The following DLG5 variants were observed in gnomAD, a reference collection of about 807,000 sequenced individuals.
DLG5 encodes the protein disks large homolog 5.
A neutral mutation model predicts 189.8 loss-of-function variants in DLG5; 48 were observed. The observed-to-expected ratio is 0.25, with a 90% CI of 0.20 to 0.32. The LOEUF is 0.32. Ranked by LOEUF, DLG5 falls within the 10% of genes least tolerant of loss-of-function variation. DLG5 has a pLI of 1.00. For missense variants in DLG5, 2,160 were observed against 2,544.7 expected (o/e 0.85, Z 3.25); for synonymous variants, 1,016 against 1,054.1 (o/e 0.96, Z 0.70).
chr10:77,918,726 G>A (rs568047438), intron 1 of DLG5, among the ~76,000 whole-genome samples: 28 of 152,190 alleles, frequency 1.8e-4, no homozygotes, highest in Admixed American at 8.5e-4. Context: ...TCCCCCCAGC[G>A]CAATCCCATT....
the DLG5 span, among the ~76,000 whole-genome samples, chr10:77,933,739 G>A: frequency 1.7e-4 from 26 of 150,294 alleles, no homozygotes; most frequent in South Asian, 6.3e-4. Flanking sequence ...AAAAAATTGC[G>A]TTTCTTTTCT....
chr10:77,825,165 A>G (rs969416988), intron 13 of DLG5, among the ~76,000 whole-genome samples: 1 of 152,158 alleles, frequency 6.6e-6, no homozygotes, highest in Non-Finnish European at 1.5e-5. Context: ...AAGGTCACAT[A>G]CTATATGATT....
chr10:77,900,957 GC>G (rs1182028625), intron 1 of DLG5, among the ~76,000 whole-genome samples: 1 of 149,322 alleles, frequency 6.7e-6, no homozygotes, highest in Non-Finnish European at 1.5e-5. Flanking sequence ...AAATAAATAA[GC>G]AAGCAAGCAA....
At chr10:77,839,873 T>G (rs775194952) in intron 7 of DLG5, among the ~76,000 whole-genome samples, 2 of 152,192 alleles carry the variant, frequency 1.3e-5, no homozygotes, top group Non-Finnish European at 2.9e-5. Context: ...GGTGGTTCCT[T>G]GTATGAAATT....
the DLG5 span, among the ~76,000 whole-genome samples, chr10:77,931,963 G>A: frequency 6.6e-3 from 1,012 of 152,290 alleles, 13 homozygotes; most frequent in African/African-American, 0.022. Flanking sequence ...CACAATGCCT[G>A]GTGTCTGGCA....
chr10:77,819,057 G>A (rs1277798645), intron 17 of DLG5, among the ~76,000 whole-genome samples: 1 of 152,176 alleles, frequency 6.6e-6, no homozygotes, highest in Non-Finnish European at 1.5e-5. Flanking sequence ...TATTCATAAA[G>A]GTCTGAGCAC....
In DLG5 at chr10:77,885,663, G is replaced by A. The variant is rs558483996; in HGVS notation, c.305-16466C>T. On this transcript the variant is annotated intron_variant, in intron 1 of 31. Coordinates refer to ENST00000372391, the MANE Select transcript of DLG5 (RefSeq NM_004747.4). ...GGACCCTCCAGCCTGCACCACTATG[G>A]CTGCTCTACTCTCCCTGCCCCCTGA... Among the ~76,000 whole-genome samples, 317 of 152,282 alleles carry A rather than the reference G, an allele frequency of 2.1e-3. 1 individual carries two copies. The highest frequency in any genetic ancestry group is 7.5e-3 in the African/African-American group (310 of 41,544).
chr10:77,854,434 A>C, intron 3 of DLG5, 64 bp from the exon 4 acceptor site: 1 of 1,592,556 alleles, frequency 6.3e-7, no homozygotes, highest in Non-Finnish European at 8.5e-7. Flanking sequence ...TAGAGGAACC[A>C]GGTCCTGGAT....
At chr10:77,896,140 G>A (rs972840576) in intron 1 of DLG5, among the ~76,000 whole-genome samples, 16 of 82,500 alleles carry the variant, frequency 1.9e-4, no homozygotes, top group African/African-American at 6.3e-4. Context: ...AGGAGACTGT[G>A]TCTCAAAAAA....
upstream of DLG5, chr10:77,927,996 C>T (rs549129106): frequency 6.6e-6 from 1 of 152,330 alleles, no homozygotes; most frequent in South Asian, 2.1e-4. Context: ...CCACATGCCT[C>T]CTCCCTTCCC....
intron 22 of DLG5, among the ~76,000 whole-genome samples, chr10:77,811,510 ATC>A (rs1841771376): frequency 6.6e-6 from 1 of 151,752 alleles, no homozygotes; most frequent in South Asian, 2.1e-4. Flanking sequence ...TGTGCATCCC[ATC>A]TCTCCTGCTG....
At chr10:77,866,887 A>G in intron 2 of DLG5, 1 of 434,748 alleles carries the variant, frequency 2.3e-6, no homozygotes. Context: ...TCTCAAGCAG[A>G]AGAGCAAGAG....
chr10:77,803,987 CT>C (rs1238253154), intron 27 of DLG5, among the ~76,000 whole-genome samples: 3 of 150,678 alleles, frequency 2.0e-5, no homozygotes, highest in Admixed American at 2.0e-4. Context: ...ACCTCCCAGG[CT>C]GAAGCTATCT....
At chr10:77,859,599 G>A (rs1564556391) in intron 2 of DLG5, among the ~76,000 whole-genome samples, 1 of 152,202 alleles carries the variant, frequency 6.6e-6, no homozygotes, top group East Asian at 1.9e-4. Flanking sequence ...TTGCAGCTCA[G>A]GAGCAACAGG....
At chr10:77,878,641 T>C (rs1213249436) in intron 1 of DLG5, among the ~76,000 whole-genome samples, 1 of 152,088 alleles carries the variant, frequency 6.6e-6, no homozygotes, top group Non-Finnish European at 1.5e-5. Flanking sequence ...CAGCCATGAG[T>C]GTCGCCTCTC....
At chr10:77,872,165 C>T (rs1366671452) in intron 1 of DLG5, among the ~76,000 whole-genome samples, 2 of 152,230 alleles carry the variant, frequency 1.3e-5, no homozygotes, top group Non-Finnish European at 2.9e-5. Context: ...CAGCTTACGA[C>T]ACTGGCAGCC....
At chr10:77,792,987 A>G (rs1840713932) in intron 31 of DLG5, 1 of 175,404 alleles carries the variant, frequency 5.7e-6, no homozygotes, top group African/African-American at 2.4e-5. Flanking sequence ...AGGGGTCTAT[A>G]GACACCAGGC....
intron 24 of DLG5, among the ~76,000 whole-genome samples, 183 bp downstream of exon 24, chr10:77,809,364 C>T (rs907895739): frequency 8.5e-5 from 13 of 152,226 alleles, no homozygotes. Context: ...TGAGATTGTG[C>T]CAGTGCACTC....
chr10:77,885,588 C>T (rs1197072985), intron 1 of DLG5, among the ~76,000 whole-genome samples: 4 of 152,206 alleles, frequency 2.6e-5, no homozygotes, highest in African/African-American at 7.2e-5. Context: ...GCTCCTGACC[C>T]TCTGGCCATT....
Sources: gnomAD v4.1 joint callset for allele counts (sites outside exome capture counted in the v4.1 genomes callset) on GRCh38, gnomAD v4.1.1 for gene constraint, MANE v1.5 for transcripts, NCBI Gene and HGNC (gene_info 2026-07-23, HGNC 2026-07-21) for gene names.